CFAP299: variants seen among roughly 807,000 people sequenced by gnomAD.
CFAP299 encodes cilia- and flagella-associated protein 299.
CFAP299 carries 21 observed loss-of-function variants against 27.0 expected under a neutral mutation model. The observed-to-expected ratio is 0.78, with a 90% CI of 0.55 to 1.12. The LOEUF is 1.12. CFAP299 is among the 50% of genes most tolerant of loss of function. CFAP299 has a pLI of 0.00. For synonymous variants in CFAP299, 104 were observed against 98.1 expected, an observed-to-expected ratio of 1.06 and a Z score of -0.36; for missense variants, 310 against 276.6, an observed-to-expected ratio of 1.12 and a Z score of -0.86.
chr4:80,656,408 A>G (rs900275409), intron 3 of CFAP299, among the ~76,000 whole-genome samples: 8 of 151,702 alleles, frequency 5.3e-5, no homozygotes, highest in Non-Finnish European at 7.4e-5. Context: ...CCTGTGTGTG[A>G]TGTTCCCCTC....
chr4:80,502,362 AG>A (rs1731788368), intron 2 of CFAP299, among the ~76,000 whole-genome samples: 1 of 152,114 alleles, frequency 6.6e-6, no homozygotes, highest in Non-Finnish European at 1.5e-5. Context: ...AATGCCATGA[AG>A]AGCAAGTCAA....
intron 4 of CFAP299, among the ~76,000 whole-genome samples, chr4:80,928,782 C>T (rs1427090109): frequency 6.6e-6 from 1 of 152,074 alleles, no homozygotes; most frequent in Non-Finnish European, 1.5e-5. Flanking sequence ...AGGACAGTTA[C>T]CAATAACAGC....
intron 3 of CFAP299, among the ~76,000 whole-genome samples, chr4:80,796,213 C>T (rs1727852319): frequency 6.6e-6 from 1 of 152,176 alleles, no homozygotes; most frequent in Admixed American, 6.5e-5. Context: ...GCAATTTATT[C>T]TTCACCTTAG....
At chr4:80,728,690 ACT>A (rs1312100683) in intron 3 of CFAP299, among the ~76,000 whole-genome samples, 2 of 152,132 alleles carry the variant, frequency 1.3e-5, no homozygotes, top group African/African-American at 4.8e-5. Context: ...ATATTTTCTC[ACT>A]GTCTTTCCTG....
At chr4:80,426,576 C>T (rs1282426691) in intron 2 of CFAP299, among the ~76,000 whole-genome samples, 1 of 152,194 alleles carries the variant, frequency 6.6e-6, no homozygotes, top group Non-Finnish European at 1.5e-5. Context: ...ATGTTTCTTA[C>T]TAAAATTGAT....
rs1474313958 is a variant in CFAP299, at chr4:80,631,128, C to T, written c.333+47945C>T. Among the ~76,000 whole-genome samples the T allele has an allele frequency of 2.6e-5, 4 of 152,062 alleles. No individual in the cohort carries two copies. The East Asian group carries it at 5.8e-4, about 22-fold the overall frequency. On this transcript the variant is annotated intron_variant, in intron 3 of 5. Coordinates refer to ENST00000358105, the MANE Select transcript of CFAP299 (RefSeq NM_152770.3). ...TTGGCCCAGCCTTTAGTATATTAAG[C>T]TGTCATAGTCACTAGTTGATTTTAC...
chr4:80,800,558 T>TATATAATATATTATATAAATATATAAC (rs1560419386), intron 3 of CFAP299, among the ~76,000 whole-genome samples: 12 of 39,716 alleles, frequency 3.0e-4, no homozygotes, highest in African/African-American at 1.4e-3. Context: ...ATCAATATAT[T>TATATAATATATTATATAAATATATAAC]ATATAATATA....
chr4:80,387,897 GC>G, intron 2 of CFAP299: 1 of 956,334 alleles, frequency 1.0e-6, no homozygotes, highest in Non-Finnish European at 1.7e-6. Flanking sequence ...TGGCCACGGT[GC>G]CCCCGGTGGC....
intron 4 of CFAP299, among the ~76,000 whole-genome samples, chr4:80,931,557 A>C (rs189488054): frequency 3.3e-5 from 5 of 152,298 alleles, no homozygotes; most frequent in African/African-American, 1.2e-4. Flanking sequence ...TACTTGCACA[A>C]GCAATTACTC....
chr4:80,947,203 A>G (rs1737519621), intron 5 of CFAP299, among the ~76,000 whole-genome samples: 2 of 152,198 alleles, frequency 1.3e-5, no homozygotes, highest in Non-Finnish European at 2.9e-5. Context: ...AGATTTTATG[A>G]TAAATTTGAA....
intron 2 of CFAP299, among the ~76,000 whole-genome samples, chr4:80,565,481 A>ATT: frequency 6.6e-6 from 1 of 152,248 alleles, no homozygotes; most frequent in African/African-American, 2.4e-5. Flanking sequence ...AAGGAAGGGA[A>ATT]TAAAAGGGTA....
intron 2 of CFAP299, among the ~76,000 whole-genome samples, chr4:80,365,200 C>T (rs1226464716): frequency 6.6e-6 from 1 of 152,160 alleles, no homozygotes; most frequent in Non-Finnish European, 1.5e-5. Flanking sequence ...GAATAATTTA[C>T]ACTCCCACCA....
At chr4:80,433,463 T>C (rs1456450755) in intron 2 of CFAP299, among the ~76,000 whole-genome samples, 1 of 152,160 alleles carries the variant, frequency 6.6e-6, no homozygotes, top group Non-Finnish European at 1.5e-5. Context: ...AACGAACACT[T>C]CGAGTTCTGC....
intron 4 of CFAP299, among the ~76,000 whole-genome samples, chr4:80,935,296 T>G (rs1318570712): frequency 6.6e-6 from 1 of 152,100 alleles, no homozygotes; most frequent in East Asian, 1.9e-4. Context: ...GGCATCACAT[T>G]ACCTAACTTC....
At chr4:80,796,657 C>A (rs959018120) in intron 3 of CFAP299, among the ~76,000 whole-genome samples, 2 of 152,150 alleles carry the variant, frequency 1.3e-5, no homozygotes, top group Admixed American at 6.6e-5. Context: ...AATCCACTGT[C>A]ATTCCCAAGA....
chr4:80,801,081 A>G (rs556503553), intron 3 of CFAP299, among the ~76,000 whole-genome samples: 1 of 151,732 alleles, frequency 6.6e-6, no homozygotes, highest in Non-Finnish European at 1.5e-5. Context: ...ACTGACTCAA[A>G]TGTTAATCTC....
At chr4:80,406,918 G>A (rs938374809) in intron 2 of CFAP299, among the ~76,000 whole-genome samples, 6 of 152,136 alleles carry the variant, frequency 3.9e-5, no homozygotes, top group Admixed American at 2.6e-4. Flanking sequence ...CCTAAAATCA[G>A]TCAGTTAGTG....
rs527671681 is a variant in CFAP299, at chr4:80,427,827, T to G, written c.242+64943T>G. 2.0e-5 allele frequency among the ~76,000 whole-genome samples: 3 copies of G among 152,342 alleles called. No homozygotes were observed. The South Asian group carries it at 6.2e-4, about 32-fold the overall frequency. On this transcript the variant is annotated intron_variant, in intron 2 of 5. Transcript: ENST00000358105. Reference sequence around the variant, plus strand: ...TTCAACTGCCTATAATGCTTAGAATTTCTTTATTTTTAGATATTAATAGTG... The same window carrying G: ...TTCAACTGCCTATAATGCTTAGAATGTCTTTATTTTTAGATATTAATAGTG...
intron 4 of CFAP299, among the ~76,000 whole-genome samples, chr4:80,902,757 G>GCA (rs1734994540): frequency 6.6e-6 from 1 of 151,208 alleles, no homozygotes; most frequent in Non-Finnish European, 1.5e-5. Context: ...ACTTCTTCAG[G>GCA]CAACTTTTAA....
Sources: allele counts gnomAD v4.1 joint callset (sites outside exome capture counted in the v4.1 genomes callset), GRCh38; gene constraint gnomAD v4.1.1; transcripts MANE v1.5; gene names NCBI Gene and HGNC (gene_info 2026-07-23, HGNC 2026-07-21).